The following UCK2 variants were observed in gnomAD, a reference collection of about 807,000 sequenced individuals.
UCK2 encodes uridine-cytidine kinase 2, also known as cytidine monophosphokinase 2.
UCK2 carries 6 observed loss-of-function variants against 30.8 expected under a neutral mutation model. The observed-to-expected ratio is 0.19, with a 90% confidence interval of 0.11 to 0.38. UCK2 has a LOEUF of 0.38. UCK2 is among the 10% of genes least tolerant of loss of function. The pLI is 1.00. For synonymous variants in UCK2, 125 were observed against 133.6 expected (o/e 0.94, Z 0.45); for missense variants, 210 against 339.8 (o/e 0.62, Z 3.00).
In UCK2 at chr1:165,867,016, A is replaced by C. The variant is rs762179763; in HGVS notation, c.100-23188A>C. ...AGTTGCAGACCACGGCAATAAAGTGAATATCATAGTAAAGTGTCACACAAT... is the reference window on the plus strand; with the variant it reads ...AGTTGCAGACCACGGCAATAAAGTGCATATCATAGTAAAGTGTCACACAAT... On this transcript the variant is annotated intron_variant, in intron 1 of 6. Transcript: ENST00000367879. 3.9e-5 allele frequency among the ~76,000 whole-genome samples: 6 copies of C among 152,342 alleles called. No individual in the cohort carries two copies. In the East Asian group the frequency reaches 1.2e-3, roughly 29 times the overall value.
chr1:165,827,971 C>T (rs762914470), intron 1 of UCK2, 39 bp downstream of exon 1: 71 of 1,283,240 alleles, frequency 5.5e-5, no homozygotes, highest in Non-Finnish European at 6.6e-5. Context: ...TTCCCGGCTT[C>T]TGTCCCTGGG....
intron 1 of UCK2, among the ~76,000 whole-genome samples, chr1:165,875,003 T>G (rs1310090692): frequency 7.1e-6 from 1 of 140,224 alleles, no homozygotes; most frequent in Non-Finnish European, 1.5e-5. Context: ...ATAAAACTAA[T>G]GGGCATGAAT....
At position 165,896,277 on chromosome 1, in the gene UCK2, G is replaced by A; in HGVS notation, c.444G>A (p.Leu148=). 1 of 1,614,240 alleles carries A rather than the reference G, an allele frequency of 6.2e-7. No individual in the cohort carries two copies. The highest frequency in any genetic ancestry group is 8.5e-7 in the Non-Finnish European group (1 of 1,180,042). The change falls in exon 4 of 7, where the codon CTG becomes CTA. Residue 148 remains leucine, a synonymous_variant. Transcript: ENST00000367879. ...LAFYSQEVRD[L]FQMKLFVDTD... is the part of the protein sequence containing the mutation. ...TCTACTCCCAGGAGGTACGAGACCT[G>A]TTCCAGATGAAGCTTTTTGTGGATA...
In UCK2 at chr1:165,850,104, C is replaced by T. The variant is rs563937238; in HGVS notation, c.99+22172C>T. On this transcript the variant is annotated intron_variant, in intron 1 of 6. Coordinates refer to ENST00000367879, the MANE Select transcript of UCK2 (RefSeq NM_012474.5). ...AGTTGAGGAGACTGAATTAAACAGC[C>T]TTTGTTCATTTAAAAAACTGTTTTT... 3.9e-5 allele frequency among the ~76,000 whole-genome samples: 6 copies of T among 152,210 alleles called. No homozygotes were observed. In the South Asian group the frequency reaches 1.0e-3, roughly 26 times the overall value.
chr1:165,864,229 T>G (rs1353154042), intron 1 of UCK2, among the ~76,000 whole-genome samples: 3 of 152,222 alleles, frequency 2.0e-5, no homozygotes, highest in Non-Finnish European at 4.4e-5. Flanking sequence ...ATTACAGGCA[T>G]GAGCCACCGC....
At chr1:165,877,933 C>G (rs1204519569) in intron 1 of UCK2, among the ~76,000 whole-genome samples, 1 of 152,138 alleles carries the variant, frequency 6.6e-6, no homozygotes, top group African/African-American at 2.4e-5. Flanking sequence ...TATCAACACC[C>G]CCCATCAGAG....
intron 1 of UCK2, among the ~76,000 whole-genome samples, chr1:165,881,464 G>C (rs1006542727): frequency 1.3e-5 from 2 of 152,182 alleles, no homozygotes; most frequent in African/African-American, 4.8e-5. Context: ...ACTCTACTGT[G>C]TGGTGGCGAA....
chr1:165,888,593 A>G, intron 1 of UCK2, among the ~76,000 whole-genome samples: 1 of 146,576 alleles, frequency 6.8e-6, no homozygotes, highest in African/African-American at 2.5e-5. Context: ...TGGCCTAAAT[A>G]TGCTGTTTTT....
At chr1:165,879,508 A>G (rs1487588455) in intron 1 of UCK2, among the ~76,000 whole-genome samples, 1 of 151,362 alleles carries the variant, frequency 6.6e-6, no homozygotes, top group Non-Finnish European at 1.5e-5. Flanking sequence ...TCACAAATTA[A>G]TAAAAGAAAA....
intron 1 of UCK2, among the ~76,000 whole-genome samples, chr1:165,858,865 A>G (rs1250941257): frequency 2.6e-5 from 4 of 152,154 alleles, no homozygotes; most frequent in South Asian, 2.1e-4. Flanking sequence ...AGCAGTGACA[A>G]TGACTGTGGG....
rs538363552 is a variant in UCK2, at chr1:165,875,639, CT to C, written c.100-14564del. Reference sequence around the variant, plus strand: ...TTCAAGTCGAGGTTCCCATAACCCCCTCTTAGGGTTTGATTAATTTGCTGGA... The same window carrying C: ...TTCAAGTCGAGGTTCCCATAACCCCCCTTAGGGTTTGATTAATTTGCTGGA... On this transcript the variant is annotated intron_variant, in intron 1 of 6. Coordinates refer to ENST00000367879, the MANE Select transcript of UCK2 (RefSeq NM_012474.5). Among the ~76,000 whole-genome samples, 160 of 152,288 alleles carry C rather than the reference CT, an allele frequency of 1.1e-3. 2 individuals carry two copies. The highest frequency in any genetic ancestry group is 3.6e-3 in the African/African-American group (151 of 41,564).
chr1:165,879,794 A>C (rs1455714661), intron 1 of UCK2, among the ~76,000 whole-genome samples: 1 of 152,074 alleles, frequency 6.6e-6, no homozygotes, highest in African/African-American at 2.4e-5. Flanking sequence ...CCAATAGAGG[A>C]CTTGAACCCC....
chr1:165,881,359 TTTTG>T (rs376009000), intron 1 of UCK2, among the ~76,000 whole-genome samples: 1 of 151,846 alleles, frequency 6.6e-6, no homozygotes, highest in Non-Finnish European at 1.5e-5. Context: ...CAGGGTTTTT[TTTTG>T]TTTGTTTGTT....
chr1:165,891,387 T>C (rs2101881949), intron 3 of UCK2, 65 bp downstream of exon 3: 1 of 1,425,432 alleles, frequency 7.0e-7, no homozygotes, highest in Non-Finnish European at 9.9e-7. Context: ...TGGTCTGCAC[T>C]GAGACCTCCT....
intron 1 of UCK2, among the ~76,000 whole-genome samples, chr1:165,877,196 A>G (rs574667930): frequency 2.6e-4 from 39 of 152,324 alleles, no homozygotes; most frequent in Admixed American, 5.9e-4. Context: ...AGAATTTTGA[A>G]AAGTGAGAAG....
At chr1:165,840,926 A>G (rs12041574) in intron 1 of UCK2, among the ~76,000 whole-genome samples, 9,992 of 152,238 alleles carry the variant, frequency 0.066, 800 homozygotes, top group East Asian at 0.41. Context: ...ATGAATTATC[A>G]TATGGTGAAC....
intron 1 of UCK2, among the ~76,000 whole-genome samples, chr1:165,836,873 T>C (rs114616722): frequency 0.018 from 2,719 of 152,296 alleles, 68 homozygotes; most frequent in African/African-American, 0.057. Context: ...CTTACAGTTC[T>C]GGAGGCTAAG....
chr1:165,906,254 G>A (rs1211156299), intron 6 of UCK2, among the ~76,000 whole-genome samples: 3 of 152,176 alleles, frequency 2.0e-5, no homozygotes, highest in South Asian at 2.1e-4. Flanking sequence ...TGACACTTGG[G>A]TACTTTGCTT....
intron 4 of UCK2, among the ~76,000 whole-genome samples, 165 bp downstream of exon 4, chr1:165,896,497 A>G (rs1236486655): frequency 6.6e-6 from 1 of 152,170 alleles, no homozygotes. Context: ...CAGCCCCAGG[A>G]TATCCTGCTG....
Sources: gnomAD v4.1 joint callset for allele counts (sites outside exome capture counted in the v4.1 genomes callset) on GRCh38, gnomAD v4.1.1 for gene constraint, MANE v1.5 for transcripts, NCBI Gene and HGNC (gene_info 2026-07-23, HGNC 2026-07-21) for gene names.